Variants in PRSS53 observed in about 807,000 individuals in gnomAD.
PRSS53 encodes the protein serine protease 53.
A neutral mutation model predicts 62.7 loss-of-function variants in PRSS53; 54 were observed. The ratio of observed to expected loss-of-function variants is 0.86; its 90% CI spans 0.69 to 1.08. The LOEUF is 1.08. Among genes scored for constraint, PRSS53 ranks in the 50% least tolerant of loss-of-function variants. The pLI, the probability that PRSS53 is intolerant of heterozygous loss-of-function variation, is 0.00. For synonymous variants in PRSS53, 273 were observed against 300.0 expected, an observed-to-expected ratio of 0.91 and a Z score of 0.93; for missense variants, 688 against 728.3, an observed-to-expected ratio of 0.94 and a Z score of 0.64.
At chr16:31,083,451 A>G (rs1303210435) in exon 11 of PRSS53, 2 of 1,307,628 alleles carry the variant, frequency 1.5e-6, no homozygotes. Flanking sequence ...TTTTGTAACA[A>G]TTTATTTAAG....
intron 6 of PRSS53, 129 bp from the exon 7 acceptor site, chr16:31,085,389 G>A: frequency 8.9e-7 from 1 of 1,119,446 alleles, no homozygotes. Context: ...TTCCAGAGAG[G>A]TTAAGAGACT....
Position 31,086,906 on chromosome 16 carries a change from G to A in PRSS53, c.243-8C>T. 2 of 1,582,676 alleles carry A rather than the reference G, an allele frequency of 1.3e-6. No individual in the cohort carries two copies. The highest frequency in any genetic ancestry group is 1.3e-5 in the African/African-American group (1 of 74,458). On this transcript the variant is annotated splice_region_variant and splice_polypyrimidine_tract_variant and intron_variant, in intron 3 of 10. Coordinates refer to ENST00000280606, the Ensembl canonical transcript of PRSS53. The stretch of plus-strand genomic sequence containing the variant: ...AGTTCTGTTGCTGCTGCCCTGGAAG[G>A]GGAAGGACAAGGTCCAGGCTGCTGA...
intron 9 of PRSS53, 65 bp downstream of exon 9, chr16:31,084,493 C>T: frequency 3.2e-6 from 5 of 1,549,728 alleles, no homozygotes; most frequent in Non-Finnish European, 4.4e-6. Flanking sequence ...AAGGTCCGTT[C>T]TTGAGCTATT....
intron 6 of PRSS53, 117 bp downstream of exon 6, chr16:31,085,847 G>T: frequency 1.1e-6 from 1 of 899,956 alleles, no homozygotes; most frequent in Non-Finnish European, 1.8e-6. Flanking sequence ...CATCCCAGGG[G>T]GTGAAAGAGC....
At chr16:31,086,274 G>A in intron 5 of PRSS53, 63 bp downstream of exon 5, 1 of 1,584,060 alleles carries the variant, frequency 6.3e-7, no homozygotes, top group Non-Finnish European at 8.6e-7. Context: ...AGTCCTGTGA[G>A]TCCAACCCCC....
At chr16:31,084,152 C>G (rs773320432) in exon 10 of PRSS53, 1 of 1,593,816 alleles carries the variant, frequency 6.3e-7, no homozygotes, top group South Asian at 1.1e-5. Flanking sequence ...GGCTCAGCCT[C>G]GGGCTCTGGT....
chr16:31,085,818 G>C (rs2057226261), intron 6 of PRSS53, 146 bp downstream of exon 6: 1 of 699,796 alleles, frequency 1.4e-6, no homozygotes, highest in Non-Finnish European at 2.4e-6. Flanking sequence ...GTGCCTCTCA[G>C]CCCTAACAGG....
At chr16:31,086,003 G>A (rs2057228681) in exon 6 of PRSS53, 1 of 1,613,946 alleles carries the variant, frequency 6.2e-7, no homozygotes, top group Non-Finnish European at 8.5e-7. Context: ...GGGGTCTCTG[G>A]GCTCTGGGCC....
intron 5 of PRSS53, 72 bp from the exon 6 acceptor site, chr16:31,086,255 C>G (rs1001544186): frequency 2.8e-5 from 44 of 1,584,620 alleles, no homozygotes; most frequent in Non-Finnish European, 3.8e-5. Context: ...GATTGCAGGT[C>G]TTTCCCCCAG....
chr16:31,083,611 C>T (rs893248659), exon 11 of PRSS53: 1 of 1,491,944 alleles, frequency 6.7e-7, no homozygotes, highest in African/African-American at 1.4e-5. Context: ...ACAGACACCC[C>T]TGTCCTGCAG....
exon 11 of PRSS53, chr16:31,083,800 G>A: frequency 6.2e-7 from 1 of 1,614,102 alleles, no homozygotes; most frequent in Non-Finnish European, 8.5e-7. Flanking sequence ...TCAGCAGCTG[G>A]TTGGTTGGCC....
At chr16:31,083,513 C>A in exon 11 of PRSS53, 2 of 1,337,864 alleles carry the variant, frequency 1.5e-6, no homozygotes, top group Non-Finnish European at 1.9e-6. Context: ...TTCAAAACAA[C>A]GTGGCTGGCG....
exon 8 of PRSS53, chr16:31,084,975 C>T (rs753699591): frequency 4.5e-6 from 7 of 1,565,508 alleles, no homozygotes; most frequent in Non-Finnish European, 4.3e-6. Context: ...AGGCCCCACT[C>T]CTCCGGTCTG....
chr16:31,085,221 G>T, exon 7 of PRSS53: 2 of 1,600,124 alleles, frequency 1.2e-6, no homozygotes, highest in Middle Eastern at 3.3e-4. Context: ...TGGGGAGGGT[G>T]CTCCTGCCTG....
At position 31,083,454 on chromosome 16, in the gene PRSS53, T is replaced by C. The variant is rs926955923; in HGVS notation, c.*336A>G. On this transcript the variant is annotated 3_prime_UTR_variant, in exon 11 of 11. Coordinates refer to ENST00000280606, the Ensembl canonical transcript of PRSS53. ...TTCTAAAGTCTATTTTGTAACAATT[T>C]ATTTAAGTTTAAAAAAAGGAAAACT... 38 of 1,306,864 alleles carry C rather than the reference T, an allele frequency of 2.9e-5. No homozygotes were observed. In the African/African-American group the frequency reaches 4.4e-4, roughly 15 times the overall value. The allele number at this position is 1,306,864 out of a possible 1,614,324, so 81.0% of individuals were successfully genotyped here. A position where few individuals can be genotyped will look rare whatever the true frequency, so the allele number is the denominator to read the frequency against.
At chr16:31,084,979 C>T (rs572401297) in exon 8 of PRSS53, 93 of 1,567,220 alleles carry the variant, frequency 5.9e-5, no homozygotes, top group Admixed American at 1.8e-4. Context: ...CCCACTCCTC[C>T]GGTCTGGTCC....
chr16:31,083,564 C>T (rs146889052), exon 11 of PRSS53: 17 of 1,436,992 alleles, frequency 1.2e-5, no homozygotes, highest in South Asian at 4.5e-5. Flanking sequence ...AAAGCTGAGA[C>T]GCCTGCTTGG....
chr16:31,087,449 T>C (rs2057245713), intron 3 of PRSS53, 88 bp downstream of exon 3: 1 of 941,772 alleles, frequency 1.1e-6, no homozygotes, highest in Non-Finnish European at 1.6e-6. Context: ...ATTATTACTC[T>C]AGAGGCAGGG....
intron 9 of PRSS53, 50 bp downstream of exon 9, chr16:31,084,508 G>A: frequency 6.4e-7 from 1 of 1,565,436 alleles, no homozygotes; most frequent in Non-Finnish European, 8.7e-7. Flanking sequence ...GCTATTGGGT[G>A]AGGGGATGCC....
Sources: gnomAD v4.1 joint callset for allele counts on GRCh38, gnomAD v4.1.1 for gene constraint, MANE v1.5 for transcripts, NCBI Gene and HGNC (gene_info 2026-07-23, HGNC 2026-07-21) for gene names.